The following ATP2B2 variants were observed in gnomAD, a reference collection of about 807,000 sequenced individuals.
ATP2B2 encodes ATPase plasma membrane Ca2+ transporting 2.
ATP2B2 carries 15 observed loss-of-function variants against 120.0 expected under a neutral mutation model. The observed-to-expected ratio is 0.12, with a 90% CI of 0.08 to 0.19. The LOEUF (loss-of-function observed/expected upper bound fraction) is 0.19. Among genes scored for constraint, ATP2B2 ranks in the 10% least tolerant of loss-of-function variants. The pLI is 1.00. For synonymous variants in ATP2B2, 694 were observed against 700.3 expected, an observed-to-expected ratio of 0.99 and a Z score of 0.14; for missense variants, 1,045 against 1,719.8, an observed-to-expected ratio of 0.61 and a Z score of 6.94.
At chr3:10,451,334 T>C (rs1436620410) in intron 1 of ATP2B2, among the ~76,000 whole-genome samples, 1 of 152,180 alleles carries the variant, frequency 6.6e-6, no homozygotes, top group Non-Finnish European at 1.5e-5. Flanking sequence ...TGGAGCGATT[T>C]GCGTTCAAAT....
intron 12 of ATP2B2, among the ~76,000 whole-genome samples, chr3:10,363,843 A>T (rs530194774): frequency 6.6e-6 from 1 of 152,330 alleles, no homozygotes; most frequent in South Asian, 2.1e-4. Flanking sequence ...ATTAAACATG[A>T]AATTACTATA....
intron 2 of ATP2B2, among the ~76,000 whole-genome samples, chr3:10,611,086 T>C (rs2069224322): frequency 6.6e-6 from 1 of 152,134 alleles, no homozygotes; most frequent in Non-Finnish European, 1.5e-5. Context: ...ATCAGAGACA[T>C]TTCCAAATCA....
intron 2 of ATP2B2, among the ~76,000 whole-genome samples, chr3:10,608,216 CTG>C (rs1434785077): frequency 6.6e-6 from 1 of 152,248 alleles, no homozygotes; most frequent in African/African-American, 2.4e-5. Flanking sequence ...TCCATCCACA[CTG>C]TAGTTTTCTA....
chr3:10,611,583 C>G (rs534742424), intron 2 of ATP2B2, among the ~76,000 whole-genome samples: 78 of 152,304 alleles, frequency 5.1e-4, no homozygotes, highest in African/African-American at 1.8e-3. Context: ...CTGGGTCCCT[C>G]TTTTGAGCGA....
intron 2 of ATP2B2, among the ~76,000 whole-genome samples, chr3:10,581,720 G>C (rs1056534205): frequency 6.6e-6 from 1 of 152,130 alleles, no homozygotes; most frequent in African/African-American, 2.4e-5. Context: ...CCAAAATGTT[G>C]GAAAAAACTC....
At chr3:10,549,477 T>A (rs1159549530) in intron 2 of ATP2B2, among the ~76,000 whole-genome samples, 1 of 151,872 alleles carries the variant, frequency 6.6e-6, no homozygotes, top group Non-Finnish European at 1.5e-5. Flanking sequence ...TATAAATAAG[T>A]GCTCAATGTG....
intron 8 of ATP2B2, among the ~76,000 whole-genome samples, chr3:10,382,029 G>A (rs760142122): frequency 3.3e-5 from 5 of 152,118 alleles, no homozygotes; most frequent in South Asian, 2.1e-4. Flanking sequence ...CTGTGTAAAC[G>A]TTGGGAGTTA....
chr3:10,471,211 T>C (rs1345418640), intron 1 of ATP2B2, among the ~76,000 whole-genome samples: 1 of 152,140 alleles, frequency 6.6e-6, no homozygotes, highest in African/African-American at 2.4e-5. Flanking sequence ...CGCGCGGCTG[T>C]GAGGGTGCGG....
intron 1 of ATP2B2, among the ~76,000 whole-genome samples, chr3:10,638,109 C>A (rs2070072716): frequency 1.3e-5 from 2 of 152,168 alleles, no homozygotes; most frequent in South Asian, 2.1e-4. Flanking sequence ...GAATTCATCA[C>A]CAACAGAACT....
chr3:10,360,171 G>C, intron 12 of ATP2B2, 48 bp from the exon 13 acceptor site: 1 of 1,542,052 alleles, frequency 6.5e-7, no homozygotes, highest in Non-Finnish European at 8.7e-7. Flanking sequence ...GCCTGTGTCG[G>C]GAGCCTCTGC....
intron 3 of ATP2B2, among the ~76,000 whole-genome samples, chr3:10,526,047 AAC>A (rs2067084281): frequency 6.6e-6 from 1 of 152,238 alleles, no homozygotes. Flanking sequence ...TCAAGTCCTT[AAC>A]ACAGTGCCTG....
At chr3:10,701,851 T>C (rs1468988474) in intron 1 of ATP2B2, among the ~76,000 whole-genome samples, 2 of 152,128 alleles carry the variant, frequency 1.3e-5, no homozygotes, top group African/African-American at 4.8e-5. Flanking sequence ...ACACATCTAC[T>C]ATGTGCCTAC....
At chr3:10,574,694 C>A (rs1196313655) in intron 2 of ATP2B2, among the ~76,000 whole-genome samples, 1 of 152,102 alleles carries the variant, frequency 6.6e-6, no homozygotes, top group Non-Finnish European at 1.5e-5. Flanking sequence ...GTAATATCTA[C>A]TTGGAATGAT....
intron 1 of ATP2B2, among the ~76,000 whole-genome samples, chr3:10,660,701 C>A (rs1407205508): frequency 3.3e-5 from 5 of 152,210 alleles, no homozygotes; most frequent in Non-Finnish European, 1.5e-5. Context: ...CCTTCTGAAA[C>A]TATTCCAATC....
At position 10,554,646 on chromosome 3, in the gene ATP2B2, C is replaced by T. The variant is rs73121363; in HGVS notation, c.-414-20513G>A. Among the ~76,000 whole-genome samples the T allele has an allele frequency of 6.3e-3, 966 of 152,312 alleles. 9 individuals carry two copies. Among genetic ancestry groups the T allele is most frequent in the African/African-American group, 0.022 (929 of 41,562 alleles). The stretch of plus-strand genomic sequence containing the variant: ...TAGAGCTGTGTCAGACTTCTGACTA[C>T]AGAACTGTCAGCTGATCAATTTTAA... On this transcript the variant is annotated intron_variant, in intron 2 of 21. Transcript: ENST00000646379.
chr3:10,441,989 G>A (rs2063683585), intron 2 of ATP2B2, among the ~76,000 whole-genome samples: 1 of 152,124 alleles, frequency 6.6e-6, no homozygotes, highest in Non-Finnish European at 1.5e-5. Flanking sequence ...AGTGATTAGT[G>A]CATATTGATT....
At chr3:10,612,577 A>G (rs952705201) in intron 2 of ATP2B2, among the ~76,000 whole-genome samples, 1 of 152,038 alleles carries the variant, frequency 6.6e-6, no homozygotes, top group African/African-American at 2.4e-5. Flanking sequence ...TTTTCTCCCT[A>G]AAGACACTGG....
intron 1 of ATP2B2, among the ~76,000 whole-genome samples, chr3:10,707,591 C>T (rs1013315880): frequency 4.6e-5 from 7 of 152,194 alleles, no homozygotes; most frequent in African/African-American, 1.4e-4. Context: ...CCCCCAGCTC[C>T]GGGGCTGCTC....
At chr3:10,586,107 G>A (rs1559472217) in intron 2 of ATP2B2, among the ~76,000 whole-genome samples, 1 of 152,178 alleles carries the variant, frequency 6.6e-6, no homozygotes, top group African/African-American at 2.4e-5. Flanking sequence ...ATTTTTAGAG[G>A]AGATAAATAG....
Sources: allele counts gnomAD v4.1 joint callset (sites outside exome capture counted in the v4.1 genomes callset), GRCh38; gene constraint gnomAD v4.1.1; transcripts MANE v1.5; gene names NCBI Gene and HGNC (gene_info 2026-07-23, HGNC 2026-07-21).